The following NDUFAF2 variants were observed in gnomAD, a reference collection of about 807,000 sequenced individuals.
NDUFAF2 encodes the protein NADH dehydrogenase [ubiquinone] 1 alpha subcomplex assembly factor 2.
NDUFAF2 carries 13 observed loss-of-function variants against 22.8 expected under a neutral mutation model. The ratio of observed to expected loss-of-function variants is 0.57; its 90% CI spans 0.37 to 0.91. The LOEUF (loss-of-function observed/expected upper bound fraction) is 0.91, where lower values mean the gene tolerates loss of function less well. Among genes scored for constraint, NDUFAF2 ranks in the 40% least tolerant of loss-of-function variants. The pLI, the probability that NDUFAF2 is intolerant of heterozygous loss-of-function variation, is 0.01. For missense variants in NDUFAF2, 162 were observed against 195.2 expected (o/e 0.83, Z 1.01); for synonymous variants, 53 against 64.2 (o/e 0.83, Z 0.84).
intron 2 of NDUFAF2, among the ~76,000 whole-genome samples, chr5:61,096,456 G>A (rs1461556444): frequency 6.6e-6 from 1 of 151,934 alleles, no homozygotes; most frequent in East Asian, 1.9e-4. Flanking sequence ...AAAATTAGCT[G>A]GGCGTGGTGG....
At chr5:61,019,742 T>C (rs761265527) in intron 1 of NDUFAF2, among the ~76,000 whole-genome samples, 91 of 152,242 alleles carry the variant, frequency 6.0e-4, no homozygotes, top group Non-Finnish European at 1.1e-3. Flanking sequence ...GAATGATTTT[T>C]ACATATATTC....
At chr5:60,988,602 A>C (rs952070237) in intron 1 of NDUFAF2, among the ~76,000 whole-genome samples, 3 of 152,182 alleles carry the variant, frequency 2.0e-5, no homozygotes, top group Admixed American at 2.0e-4. Flanking sequence ...ATGGAACAGA[A>C]TAGAGAGCCC....
At chr5:61,150,173 C>G (rs1354843016) in intron 3 of NDUFAF2, among the ~76,000 whole-genome samples, 1 of 152,170 alleles carries the variant, frequency 6.6e-6, no homozygotes, top group Admixed American at 6.5e-5. Context: ...CTCAAGTGAT[C>G]TGCCCGCCTC....
At chr5:61,026,586 G>A (rs1751653092) in intron 1 of NDUFAF2, among the ~76,000 whole-genome samples, 2 of 151,946 alleles carry the variant, frequency 1.3e-5, no homozygotes, top group African/African-American at 2.4e-5. Context: ...GAGTATTGTA[G>A]GAATATAATA....
chr5:61,052,513 T>C (rs1227142685), intron 1 of NDUFAF2, among the ~76,000 whole-genome samples: 1 of 152,146 alleles, frequency 6.6e-6, no homozygotes, highest in East Asian at 1.9e-4. Flanking sequence ...GGTTTCACCG[T>C]GTTAGCCAGG....
At chr5:61,055,218 A>G (rs892305759) in intron 1 of NDUFAF2, among the ~76,000 whole-genome samples, 2 of 152,244 alleles carry the variant, frequency 1.3e-5, no homozygotes, top group African/African-American at 2.4e-5. Flanking sequence ...CCAACTTACA[A>G]ATCAGTTGAA....
rs554057698 is a variant in NDUFAF2 at position 61,117,682 on chromosome 5, A to T, written c.258+18650A>T. ...AATGCATATGATTGACTTTTTTTTA[A>T]AAAAAAAAGAATGTTAAAAAGCACA... On this transcript the variant is annotated intron_variant, in intron 3 of 3. Transcript: ENST00000296597. Among the ~76,000 whole-genome samples the T allele has an allele frequency of 2.5e-3, 383 of 151,252 alleles. 5 individuals are homozygous for T. Among genetic ancestry groups the T allele is most frequent in the South Asian group, 6.5e-3 (31 of 4,786 alleles).
At chr5:61,039,349 A>G (rs888058450) in intron 1 of NDUFAF2, among the ~76,000 whole-genome samples, 2 of 152,186 alleles carry the variant, frequency 1.3e-5, no homozygotes, top group Non-Finnish European at 2.9e-5. Flanking sequence ...TAGAACATCT[A>G]TCAGATGTTT....
intron 3 of NDUFAF2, among the ~76,000 whole-genome samples, chr5:61,102,872 T>C (rs1482562457): frequency 6.6e-6 from 1 of 152,082 alleles, no homozygotes; most frequent in African/African-American, 2.4e-5. Context: ...TATGAAAATA[T>C]ACTTAGCAAC....
At chr5:60,961,985 G>T (rs1407954970) in intron 1 of NDUFAF2, among the ~76,000 whole-genome samples, 22 of 151,218 alleles carry the variant, frequency 1.5e-4, no homozygotes, top group Admixed American at 1.4e-3. Context: ...TCTTAAAAAA[G>T]AATGAATTAA....
chr5:61,006,924 A>T (rs998784804), intron 1 of NDUFAF2, among the ~76,000 whole-genome samples: 1 of 152,128 alleles, frequency 6.6e-6, no homozygotes, highest in Non-Finnish European at 1.5e-5. Flanking sequence ...TTGGAACAAT[A>T]TAGTAGAAAG....
At chr5:61,052,267 G>A (rs1348902956) in intron 1 of NDUFAF2, among the ~76,000 whole-genome samples, 1 of 152,090 alleles carries the variant, frequency 6.6e-6, no homozygotes, top group Non-Finnish European at 1.5e-5. Context: ...GGTCTGTGTT[G>A]TTAATCTTTC....
intron 3 of NDUFAF2, among the ~76,000 whole-genome samples, chr5:61,148,758 A>G (rs533084637): frequency 2.6e-5 from 4 of 152,356 alleles, no homozygotes; most frequent in African/African-American, 9.6e-5. Context: ...GTGAATAACA[A>G]TGTGAAGAGT....
At chr5:61,025,112 A>G (rs1031933702) in intron 1 of NDUFAF2, among the ~76,000 whole-genome samples, 1 of 152,006 alleles carries the variant, frequency 6.6e-6, no homozygotes, top group African/African-American at 2.4e-5. Context: ...AGCTTATAGC[A>G]TTTATTTTAC....
chr5:61,097,028 T>A (rs1249306553), intron 2 of NDUFAF2, among the ~76,000 whole-genome samples: 1 of 151,852 alleles, frequency 6.6e-6, no homozygotes, highest in Non-Finnish European at 1.5e-5. Flanking sequence ...GAAACAGTAG[T>A]AGAGAATGGA....
At chr5:60,990,585 A>G (rs1001580868) in intron 1 of NDUFAF2, among the ~76,000 whole-genome samples, 2 of 152,186 alleles carry the variant, frequency 1.3e-5, no homozygotes, top group African/African-American at 2.4e-5. Context: ...TACTTGGCTC[A>G]AGTAATCCTC....
At chr5:61,021,283 C>A (rs941433225) in intron 1 of NDUFAF2, among the ~76,000 whole-genome samples, 1 of 151,724 alleles carries the variant, frequency 6.6e-6, no homozygotes, top group African/African-American at 2.4e-5. Flanking sequence ...TGTTTTTTTC[C>A]CCTGTTCTAG....
intron 1 of NDUFAF2, among the ~76,000 whole-genome samples, chr5:61,060,427 A>T (rs758013555): frequency 1.3e-4 from 20 of 151,968 alleles, no homozygotes; most frequent in South Asian, 2.1e-4. Flanking sequence ...ATACTTCTAA[A>T]CCTCCTTTTG....
At chr5:61,138,710 G>A (rs1741000279) in intron 3 of NDUFAF2, among the ~76,000 whole-genome samples, 2 of 152,154 alleles carry the variant, frequency 1.3e-5, no homozygotes, top group African/African-American at 4.8e-5. Context: ...AGGGGTCAGG[G>A]AAACACTGTA....
Sources: allele counts gnomAD v4.1 joint callset (sites outside exome capture counted in the v4.1 genomes callset), GRCh38; gene constraint gnomAD v4.1.1; transcripts MANE v1.5; gene names NCBI Gene and HGNC (gene_info 2026-07-23, HGNC 2026-07-21).